SLCO2B1: variants seen among roughly 807,000 people sequenced by gnomAD.
SLCO2B1 encodes solute carrier organic anion transporter family member 2B1.
Under a neutral mutation model 67.3 loss-of-function variants are expected in SLCO2B1, and 41 were observed. The ratio of observed to expected loss-of-function variants is 0.61; its 90% CI spans 0.47 to 0.79. The LOEUF (loss-of-function observed/expected upper bound fraction) is 0.79, where lower values mean the gene tolerates loss of function less well. Among genes scored for constraint, SLCO2B1 ranks in the 30% least tolerant of loss-of-function variants. The probability of loss-of-function intolerance (pLI) is 0.00; values close to 1 mark genes in which losing one functional copy is unlikely to be tolerated. For synonymous variants in SLCO2B1, 379 were observed against 381.4 expected (o/e 0.99, Z 0.07); for missense variants, 837 against 920.1 (o/e 0.91, Z 1.17).
rs150002009 is a variant in SLCO2B1, at chr11:75,200,695, A to G, written c.1763+308A>G. On this transcript the variant is annotated intron_variant, in intron 11 of 13. Transcript: ENST00000289575. ...GGCTCCTACTTGCCCAGGGGAGAGG[A>G]GGACATACCTAGGGCCCTGTCCTGG... 2.2e-4 allele frequency: 62 copies of G among 278,974 alleles called. No individual in the cohort carries two copies. In the East Asian group the frequency reaches 4.1e-3, roughly 18 times the overall value. The allele number at this position is 278,974 out of a possible 1,614,324, so 17.3% of individuals were successfully genotyped here. A position where few individuals can be genotyped will look rare whatever the true frequency, so the allele number is the denominator to read the frequency against.
intron 9 of SLCO2B1, among the ~76,000 whole-genome samples, chr11:75,195,658 C>T (rs1042550803): frequency 6.6e-6 from 1 of 152,188 alleles, no homozygotes; most frequent in Admixed American, 6.5e-5. Flanking sequence ...TGCCCCACAC[C>T]CACCCCAAGC....
rs559338676 is a variant in SLCO2B1 at position 75,181,747 on chromosome 11, G to A, written c.973-6389G>A. ...GCAGGCTTGCAACAATCAGCAAAGA[G>A]CCCCCAGAGGGGAAGTTCCAGCAGC... On this transcript the variant is annotated intron_variant, in intron 7 of 13. Transcript: ENST00000289575. Among the ~76,000 whole-genome samples the A allele has an allele frequency of 1.4e-4, 22 of 152,318 alleles. No homozygotes were observed. In the South Asian group the frequency reaches 4.1e-3, roughly 29 times the overall value.
At chr11:75,173,599 G>A (rs1254911562) in intron 7 of SLCO2B1, among the ~76,000 whole-genome samples, 1 of 152,112 alleles carries the variant, frequency 6.6e-6, no homozygotes, top group Non-Finnish European at 1.5e-5. Flanking sequence ...CTCCTCAGAA[G>A]CGGACACAGA....
intron 6 of SLCO2B1, 76 bp downstream of exon 6, chr11:75,169,840 G>T (rs1949938490): frequency 7.9e-7 from 1 of 1,261,480 alleles, no homozygotes; most frequent in Non-Finnish European, 1.2e-6. Context: ...TGAGCCAGGG[G>T]ACCTCGGTTC....
chr11:75,200,399 G>A lies in SLCO2B1; in HGVS notation c.1763+12G>A, dbSNP rs779769560. On this transcript the variant is annotated intron_variant, in intron 11 of 13. Transcript: ENST00000289575. ...ATGCTCATCCTAAGGTGAAGGTGGG[G>A]GTGGGGCAGGGGCAGGTGGATACCA... is the stretch of plus-strand genomic sequence containing the variant. The A allele has an allele frequency of 1.3e-6, 2 of 1,577,786 alleles. No individual in the cohort carries two copies. The highest frequency in any genetic ancestry group is 1.3e-5 in the African/African-American group (1 of 74,152).
Position 75,151,701 on chromosome 11 carries a change from TC to T in SLCO2B1, c.16+308del, listed in dbSNP as rs542185898. On this transcript the variant is annotated intron_variant, in intron 1 of 13. Coordinates refer to ENST00000289575, the MANE Select transcript of SLCO2B1 (RefSeq NM_007256.5). ...CCCCTGACCCCCTCTTCAAGCCGTT[TC>T]CCCTCTCAAAGGAGACAAAGATAGA... 1.8e-4 allele frequency: 87 copies of T among 482,484 alleles called. No homozygotes were observed. The East Asian group carries it at 2.8e-3, about 15-fold the overall frequency. The allele number at this position is 482,484 out of a possible 1,614,324, so 29.9% of individuals were successfully genotyped here. A position where few individuals can be genotyped will look rare whatever the true frequency, so the allele number is the denominator to read the frequency against.
Position 75,162,638 on chromosome 11 carries a change from G to A in SLCO2B1, c.17-17G>A. The stretch of plus-strand genomic sequence containing the variant: ...GGGATTCTATCTATTCTCTTTCCCT[G>A]GTTTTCTGTCCCTCAGGGCCAGCGG... On this transcript the variant is annotated splice_polypyrimidine_tract_variant and intron_variant, in intron 1 of 13. Transcript: ENST00000289575. 1 of 1,609,388 alleles carries A rather than the reference G, an allele frequency of 6.2e-7. No homozygotes were observed. The highest frequency in any genetic ancestry group is 8.5e-7 in the Non-Finnish European group (1 of 1,178,124).
chr11:75,163,991 A>T lies in SLCO2B1; in HGVS notation c.176A>T (p.Gln59Leu). The change falls in exon 3 of 14, where the codon CAG becomes CTG. Residue 59 changes from glutamine (Q) to leucine (L), a missense_variant. Transcript: ENST00000289575. ...KLFVLCHSLL[Q>L]LAQLMISGYL... ...TTCGTTCTGTGCCACAGCCTGCTGC[A>T]GCTGGCGCAGCTCATGATCTCCGGC... 6.2e-7 allele frequency: 1 copy of T among 1,603,830 alleles called. No individual in the cohort carries two copies. Among genetic ancestry groups the T allele is most frequent in the Non-Finnish European group, 8.5e-7 (1 of 1,175,442 alleles).
Position 75,204,700 on chromosome 11 carries a change from C to T in SLCO2B1, c.*120C>T, listed in dbSNP as rs1945244998. The T allele has an allele frequency of 7.2e-6, 6 of 828,952 alleles. No homozygotes were observed. Among genetic ancestry groups the T allele is most frequent in the Non-Finnish European group, 8.9e-6 (5 of 559,888 alleles). 51.3% of individuals were successfully genotyped at this position (828,952 alleles called of 1,614,324 possible). A position where few individuals can be genotyped will look rare whatever the true frequency, so the allele number is the denominator to read the frequency against. On this transcript the variant is annotated 3_prime_UTR_variant, in exon 14 of 14. Coordinates refer to ENST00000289575, the MANE Select transcript of SLCO2B1 (RefSeq NM_007256.5). The stretch of plus-strand genomic sequence containing the variant: ...CCATTCTGGCTCCTCCACTAAATTG[C>T]TGTGTGACTTCAGGCAAGACATTGA...
intron 4 of SLCO2B1, among the ~76,000 whole-genome samples, chr11:75,168,863 C>A: frequency 6.6e-6 from 1 of 152,240 alleles, no homozygotes; most frequent in East Asian, 1.9e-4. Context: ...CCGCCCCACC[C>A]AGGGGCCACC....
In SLCO2B1 at chr11:75,194,000, G is replaced by C. The variant is rs1472595044; in HGVS notation, c.1433+425G>C. ...ATGCTCTCCATCCTGGGGACGAGAG[G>C]GGATGAGAGGGTGAGCAAGGGACTG... On this transcript the variant is annotated intron_variant, in intron 9 of 13. Transcript: ENST00000289575. The surrounding 1 kb of genome is among the most constrained non-coding windows in gnomAD (Gnocchi z 4.2). 6.6e-6 allele frequency among the ~76,000 whole-genome samples: 1 copy of C among 152,154 alleles called. No homozygotes were observed.
chr11:75,180,058 C>T (rs1203041166), intron 7 of SLCO2B1, among the ~76,000 whole-genome samples: 4 of 152,174 alleles, frequency 2.6e-5, no homozygotes, highest in African/African-American at 9.7e-5. Context: ...CTCTCTGTCA[C>T]CCAGGCTGGA....
intron 4 of SLCO2B1, among the ~76,000 whole-genome samples, chr11:75,167,923 T>C (rs1220861477): frequency 6.8e-6 from 1 of 146,770 alleles, no homozygotes. Flanking sequence ...AGATGGAGTA[T>C]CACTCTGTCA....
intron 8 of SLCO2B1, among the ~76,000 whole-genome samples, chr11:75,190,883 C>G (rs1045197406): frequency 2.6e-5 from 4 of 152,220 alleles, no homozygotes; most frequent in African/African-American, 9.6e-5. Context: ...CTAAGGGAAG[C>G]CCTGTCTCAT....
chr11:75,199,621 C>T (rs928891153), intron 10 of SLCO2B1: 9 of 152,366 alleles, frequency 5.9e-5, no homozygotes, highest in Non-Finnish European at 1.5e-5. Context: ...CAGCCAGCCA[C>T]TTCAAGGGTT....
intron 6 of SLCO2B1, among the ~76,000 whole-genome samples, chr11:75,171,886 T>G (rs1565538133): frequency 6.6e-6 from 1 of 152,070 alleles, no homozygotes; most frequent in Non-Finnish European, 1.5e-5. Context: ...ATCCTAAACA[T>G]TCATTTAAGA....
At chr11:75,178,592 A>T (rs1950054891) in intron 7 of SLCO2B1, among the ~76,000 whole-genome samples, 1 of 152,216 alleles carries the variant, frequency 6.6e-6, no homozygotes, top group African/African-American at 2.4e-5. Context: ...GGATAAATCA[A>T]GCTGTTTAGC....
intron 7 of SLCO2B1, among the ~76,000 whole-genome samples, chr11:75,175,029 G>A (rs7947726): frequency 0.14 from 21,145 of 152,148 alleles, 1,735 homozygotes; most frequent in African/African-American, 0.22. Flanking sequence ...CAGATACTCA[G>A]ATTTTAAGAG....
intron 7 of SLCO2B1, among the ~76,000 whole-genome samples, chr11:75,181,855 T>G (rs1479106321): frequency 6.6e-6 from 1 of 152,226 alleles, no homozygotes; most frequent in Non-Finnish European, 1.5e-5. Flanking sequence ...AGAGGCACGT[T>G]TCCTGTTTCT....
Sources: allele counts gnomAD v4.1 joint callset (sites outside exome capture counted in the v4.1 genomes callset), GRCh38; gene constraint gnomAD v4.1.1; non-coding constraint Gnocchi (gnomAD v3.1); transcripts MANE v1.5; gene names NCBI Gene and HGNC (gene_info 2026-07-23, HGNC 2026-07-21).